The following FARP1 variants were observed in gnomAD, a reference collection of about 807,000 sequenced individuals.
The protein encoded by FARP1 is FERM, ARHGEF and pleckstrin domain-containing protein 1.
FARP1 carries 52 observed loss-of-function variants against 128.8 expected under a neutral mutation model. The observed-to-expected ratio is 0.40, with a 90% confidence interval of 0.32 to 0.51. FARP1 has a LOEUF of 0.51. Among genes scored for constraint, FARP1 ranks in the 20% least tolerant of loss-of-function variants. The probability of loss-of-function intolerance (pLI) is 0.45; values close to 1 mark genes in which losing one functional copy is unlikely to be tolerated. For missense variants in FARP1, 1,333 were observed against 1,367.9 expected (o/e 0.97, Z 0.40); for synonymous variants, 580 against 551.8 (o/e 1.05, Z -0.72).
chr13:98,411,824 A>T (rs1891203526), intron 15 of FARP1, 77 bp from the exon 16 acceptor site: 5 of 1,517,746 alleles, frequency 3.3e-6, no homozygotes, highest in Non-Finnish European at 9.0e-7. Context: ...ATTTGGCTGC[A>T]TGTGACTTCT....
At chr13:98,433,475 T>C (rs995598738) in intron 18 of FARP1, 5 of 152,240 alleles carry the variant, frequency 3.3e-5, no homozygotes, top group Admixed American at 2.6e-4. Context: ...ACACCTGTAA[T>C]CCCAGCACTT....
At chr13:98,281,487 G>A (rs1884935466) in intron 2 of FARP1, among the ~76,000 whole-genome samples, 1 of 152,040 alleles carries the variant, frequency 6.6e-6, no homozygotes, top group South Asian at 2.1e-4. Context: ...ATTTGCACCT[G>A]GCCTGGATCT....
At chr13:98,381,663 G>A (rs1889891895) in intron 6 of FARP1, 1 of 152,196 alleles carries the variant, frequency 6.6e-6, no homozygotes, top group South Asian at 2.1e-4. Flanking sequence ...AGGTCGTGTG[G>A]TCCTTGCTCT....
chr13:98,376,761 T>G (rs1460902239), intron 5 of FARP1, among the ~76,000 whole-genome samples: 155 of 11,706 alleles, frequency 0.013, 1 homozygote, highest in Middle Eastern at 0.033. Flanking sequence ...TTTTTTGTGT[T>G]TTTTTTTTTT....
intron 1 of FARP1, among the ~76,000 whole-genome samples, chr13:98,158,465 GTCT>G (rs1242883512): frequency 6.6e-6 from 1 of 152,192 alleles, no homozygotes; most frequent in Non-Finnish European, 1.5e-5. Context: ...GTGAGACATG[GTCT>G]TCTTGGGGAG....
At chr13:98,443,673 C>T (rs2139142316) in intron 24 of FARP1, among the ~76,000 whole-genome samples, 1 of 152,360 alleles carries the variant, frequency 6.6e-6, no homozygotes, top group East Asian at 1.9e-4. Context: ...GGCCTGGGGG[C>T]TCCCACTAGA....
At chr13:98,390,465 CATT>C in intron 10 of FARP1, 1 of 428,866 alleles carries the variant, frequency 2.3e-6, no homozygotes, top group East Asian at 3.8e-5. Context: ...TTTAACAAAT[CATT>C]GTCTGCCATG....
At chr13:98,320,189 C>A (rs570642647) in intron 2 of FARP1, among the ~76,000 whole-genome samples, 2 of 152,112 alleles carry the variant, frequency 1.3e-5, no homozygotes, top group African/African-American at 4.8e-5. Context: ...CATACGTGGG[C>A]CTGGAGTCAA....
chr13:98,237,967 C>G (rs964690616), intron 2 of FARP1, among the ~76,000 whole-genome samples: 3 of 151,300 alleles, frequency 2.0e-5, no homozygotes, highest in Non-Finnish European at 4.4e-5. Flanking sequence ...CAGGCTTGCT[C>G]TAAGAAAGTC....
chr13:98,442,204 G>C (rs1308928687), intron 24 of FARP1, among the ~76,000 whole-genome samples: 1 of 152,228 alleles, frequency 6.6e-6, no homozygotes. Context: ...TCCCACACAG[G>C]CCTGGTCCAA....
intron 2 of FARP1, among the ~76,000 whole-genome samples, chr13:98,308,104 C>T (rs1254093782): frequency 1.4e-5 from 2 of 143,554 alleles, no homozygotes; most frequent in Admixed American, 7.3e-5. Context: ...ACTGTGAAAC[C>T]CACGGAATTT....
chr13:98,185,329 G>A (rs1011669859), intron 1 of FARP1, among the ~76,000 whole-genome samples: 3 of 152,104 alleles, frequency 2.0e-5, no homozygotes, highest in African/African-American at 7.2e-5. Context: ...TTTTAGAAAG[G>A]GCTTAACAGG....
At chr13:98,439,001 C>A in intron 20 of FARP1, 106 bp from the exon 21 acceptor site, 2 of 1,385,874 alleles carry the variant, frequency 1.4e-6, no homozygotes, top group Non-Finnish European at 2.0e-6. Context: ...GGTGCCCAGG[C>A]CCAAGTTGTT....
rs1224544356 is a variant in FARP1, at chr13:98,449,425, G to A, written c.*1108G>A. 3 of 152,112 alleles carry A rather than the reference G, an allele frequency of 2.0e-5. No individual in the cohort carries two copies. Among genetic ancestry groups the A allele is most frequent in the Non-Finnish European group, 4.4e-5 (3 of 68,038 alleles). The allele number at this position is 152,112 out of a possible 1,614,324, so 9.4% of individuals were successfully genotyped here. A position where few individuals can be genotyped will look rare whatever the true frequency, so the allele number is the denominator to read the frequency against. On this transcript the variant is annotated 3_prime_UTR_variant, in exon 27 of 27. Transcript: ENST00000319562. ...TGGCTTTGGCCCCTACTCGGGAAAC[G>A]TCTGCCTGTTCTCGATGGTGATGGG... is the stretch of plus-strand genomic sequence containing the variant.
chr13:98,426,610 C>G (rs771150969), intron 17 of FARP1, among the ~76,000 whole-genome samples: 2 of 152,198 alleles, frequency 1.3e-5, no homozygotes, highest in Non-Finnish European at 2.9e-5. Flanking sequence ...CTGTCAATCT[C>G]TCTTAACAAA....
At chr13:98,342,561 A>G (rs1401937813) in intron 2 of FARP1, among the ~76,000 whole-genome samples, 3 of 151,560 alleles carry the variant, frequency 2.0e-5, no homozygotes, top group South Asian at 2.1e-4. Flanking sequence ...TTAGCGGGGC[A>G]TGGTGGCAGG....
chr13:98,230,904 G>C (rs1451674480), intron 2 of FARP1, among the ~76,000 whole-genome samples: 1 of 152,206 alleles, frequency 6.6e-6, no homozygotes, highest in African/African-American at 2.4e-5. Context: ...AGGTTGGGAA[G>C]GCCTCACACT....
chr13:98,153,292 AT>A (rs1184162123), intron 1 of FARP1, among the ~76,000 whole-genome samples: 1 of 9,836 alleles, frequency 1.0e-4, no homozygotes, highest in African/African-American at 1.1e-4. Context: ...TATAAAATAT[AT>A]ATAAATATAT....
chr13:98,172,456 T>C (rs1426885705), intron 1 of FARP1, among the ~76,000 whole-genome samples: 10 of 151,848 alleles, frequency 6.6e-5, no homozygotes, highest in Non-Finnish European at 1.2e-4. Context: ...TCCCCAGGGG[T>C]TGTAGCCAAA....
Sources: gnomAD v4.1 joint callset for allele counts (sites outside exome capture counted in the v4.1 genomes callset) on GRCh38, gnomAD v4.1.1 for gene constraint, MANE v1.5 for transcripts, NCBI Gene and HGNC (gene_info 2026-07-23, HGNC 2026-07-21) for gene names.